Variants in GNA15 observed in about 807,000 individuals in gnomAD.
GNA15 encodes the protein guanine nucleotide-binding protein subunit alpha-15.
Under a neutral mutation model 40.1 loss-of-function variants are expected in GNA15, and 23 were observed. The ratio of observed to expected loss-of-function variants is 0.57; its 90% CI spans 0.41 to 0.81. GNA15 has a LOEUF of 0.81. Ranked by LOEUF, GNA15 falls within the 40% of genes least tolerant of loss-of-function variation. The pLI, the probability that GNA15 is intolerant of heterozygous loss-of-function variation, is 0.00. For missense variants in GNA15, 522 were observed against 515.8 expected, an observed-to-expected ratio of 1.01 and a Z score of -0.12; for synonymous variants, 226 against 210.4, an observed-to-expected ratio of 1.07 and a Z score of -0.64.
intron 1 of GNA15, among the ~76,000 whole-genome samples, chr19:3,137,648 G>A (rs1914485718): frequency 1.3e-5 from 2 of 152,174 alleles, no homozygotes; most frequent in South Asian, 4.1e-4. Context: ...CAGATGTGGT[G>A]GTGCGTGCCT....
intron 1 of GNA15, among the ~76,000 whole-genome samples, chr19:3,140,564 T>A (rs563167749): frequency 2.0e-5 from 3 of 152,206 alleles, no homozygotes; most frequent in East Asian, 3.9e-4. Flanking sequence ...TTCCCCTTAC[T>A]CTGTTTGATT....
At chr19:3,143,992 T>C (rs147593682) in intron 1 of GNA15, among the ~76,000 whole-genome samples, 406 of 151,744 alleles carry the variant, frequency 2.7e-3, no homozygotes, top group African/African-American at 9.1e-3. Flanking sequence ...GGCATGGTGG[T>C]GGGCGCCTGT....
chr19:3,137,654 T>C (rs1305297455), intron 1 of GNA15, among the ~76,000 whole-genome samples: 1 of 152,136 alleles, frequency 6.6e-6, no homozygotes, highest in Admixed American at 6.5e-5. Flanking sequence ...TGGTGGTGCG[T>C]GCCTGTAGTC....
Position 3,150,234 on chromosome 19 carries a change from G to T in GNA15, c.434G>T (p.Arg145Leu). The change falls in exon 3 of 7, where the codon CGG becomes CTG. Residue 145 changes from arginine (R) to leucine (L), a missense_variant. Transcript: ENST00000262958. ...MQWLWRDAGI[R>L]ACYERRREFH... Reference sequence around the variant, plus strand: ...TGGCTGTGGAGGGATGCCGGCATCCGGGCCTGCTATGAGCGTCGGCGGGAA... The same window carrying T: ...TGGCTGTGGAGGGATGCCGGCATCCTGGCCTGCTATGAGCGTCGGCGGGAA... 1 of 1,610,234 alleles carries T rather than the reference G, an allele frequency of 6.2e-7. No homozygotes were observed. The highest frequency in any genetic ancestry group is 2.2e-5 in the East Asian group (1 of 44,716).
intron 3 of GNA15, 80 bp downstream of exon 3, chr19:3,150,365 G>C: frequency 7.8e-7 from 1 of 1,277,804 alleles, no homozygotes; most frequent in East Asian, 2.5e-5. Flanking sequence ...TCCTGCAGCA[G>C]GAGATATTGT....
chr19:3,154,439 A>G (rs1409250993), intron 4 of GNA15, among the ~76,000 whole-genome samples: 3 of 138,612 alleles, frequency 2.2e-5, no homozygotes, highest in Admixed American at 7.1e-5. Context: ...GTGAGTGGAT[A>G]GATGGGTAGA....
At chr19:3,153,871 G>A (rs952966064) in intron 4 of GNA15, among the ~76,000 whole-genome samples, 1 of 151,756 alleles carries the variant, frequency 6.6e-6, no homozygotes, top group Non-Finnish European at 1.5e-5. Flanking sequence ...GTGAATGGAT[G>A]GATGAATGGA....
chr19:3,148,788 G>T lies in GNA15; in HGVS notation c.330+13G>T. The stretch of plus-strand genomic sequence containing the variant: ...GCCCGAGAGCAAGGTGAGCCGCCAG[G>T]GCAGGCAGGGGCCCAGGGCAGGCAG... On this transcript the variant is annotated intron_variant, in intron 2 of 6. Coordinates refer to ENST00000262958, the MANE Select transcript of GNA15 (RefSeq NM_002068.4). The T allele has an allele frequency of 6.3e-7, 1 of 1,577,504 alleles. No individual in the cohort carries two copies. The highest frequency in any genetic ancestry group is 8.6e-7 in the Non-Finnish European group (1 of 1,161,038).
At chr19:3,162,198 G>A (rs1682803) in intron 6 of GNA15, among the ~76,000 whole-genome samples, 10 of 151,822 alleles carry the variant, frequency 6.6e-5, no homozygotes, top group South Asian at 2.1e-4. Context: ...CAGCGCTTTG[G>A]GGGGGTCAAG....
intron 1 of GNA15, among the ~76,000 whole-genome samples, chr19:3,139,961 A>T (rs1393687143): frequency 6.6e-6 from 1 of 151,740 alleles, no homozygotes; most frequent in Non-Finnish European, 1.5e-5. Flanking sequence ...TCTAACTTGG[A>T]GGCAGAGGTT....
At chr19:3,150,043 G>T in intron 2 of GNA15, 88 bp from the exon 3 acceptor site, 1 of 1,135,620 alleles carries the variant, frequency 8.8e-7, no homozygotes, top group South Asian at 1.4e-5. Context: ...CGTGTTTCAG[G>T]GAGGGACGTG....
rs1170095452 is a variant in GNA15 at position 3,136,104 on chromosome 19, C to G, written c.-347C>G. ...GGTGGGGGTTTTCCCGCCACCGCCC[C>G]GCCCTCCCTGGGGCCCCCACCTCAC... On this transcript the variant is annotated 5_prime_UTR_variant, in exon 1 of 7. Coordinates refer to ENST00000262958, the MANE Select transcript of GNA15 (RefSeq NM_002068.4). This position sits in a 1 kb window ranked among gnomAD's most constrained non-coding sequence, Gnocchi z 4.9. 5.4e-6 allele frequency: 1 copy of G among 184,426 alleles called. No homozygotes were observed. The highest frequency in any genetic ancestry group is 1.1e-5 in the Non-Finnish European group (1 of 88,392). 11.4% of individuals were successfully genotyped at this position (184,426 alleles called of 1,614,324 possible).
At position 3,136,087 on chromosome 19, in the gene GNA15, T is replaced by A. The variant is rs970195276; in HGVS notation, c.-364T>A. On this transcript the variant is annotated 5_prime_UTR_variant, in exon 1 of 7. Transcript: ENST00000262958. The surrounding 1 kb of genome is among the most constrained non-coding windows in gnomAD (Gnocchi z 4.9). ...CACAGGACCCAGTCTGCGGTGGGGG[T>A]TTTCCCGCCACCGCCCCGCCCTCCC... 1.2e-5 allele frequency: 2 copies of A among 172,478 alleles called. No homozygotes were observed. The highest frequency in any genetic ancestry group is 1.3e-4 in the South Asian group (1 of 7,588). The allele number at this position is 172,478 out of a possible 1,614,324, so 10.7% of individuals were successfully genotyped here.
At chr19:3,158,133 G>A (rs186560760) in intron 6 of GNA15, among the ~76,000 whole-genome samples, 54 of 152,146 alleles carry the variant, frequency 3.5e-4, no homozygotes, top group South Asian at 6.2e-4. Context: ...AGCATATCAC[G>A]TACACCTTAA....
intron 2 of GNA15, chr19:3,149,013 G>A (rs920246867): frequency 2.3e-5 from 12 of 511,454 alleles, no homozygotes; most frequent in Middle Eastern, 5.1e-4. Context: ...GTATGCACAC[G>A]CACAGACATG....
intron 6 of GNA15, 65 bp downstream of exon 6, chr19:3,157,946 A>T: frequency 7.8e-7 from 1 of 1,278,624 alleles, no homozygotes; most frequent in South Asian, 1.2e-5. Flanking sequence ...AGAGATGCTA[A>T]TCCAGACTCT....
At chr19:3,137,522 G>A (rs1484130073) in intron 1 of GNA15, among the ~76,000 whole-genome samples, 1 of 152,072 alleles carries the variant, frequency 6.6e-6, no homozygotes, top group Non-Finnish European at 1.5e-5. Flanking sequence ...GGTGGCTCAT[G>A]CCTGTAATCC....
In GNA15 at chr19:3,157,412, G is replaced by A. The variant is rs538889789; in HGVS notation, c.745-316G>A. On this transcript the variant is annotated intron_variant, in intron 5 of 6. Transcript: ENST00000262958. ...ACCCTATCTCCAGGCCAGGTGCAGTGGTTCATGCCTATAACCCCAGCACGC... is the reference window on the plus strand; with the variant it reads ...ACCCTATCTCCAGGCCAGGTGCAGTAGTTCATGCCTATAACCCCAGCACGC... Among the ~76,000 whole-genome samples, 315 of 152,326 alleles carry A rather than the reference G, an allele frequency of 2.1e-3. 1 individual carries two copies. The highest frequency in any genetic ancestry group is 3.6e-3 in the Non-Finnish European group (244 of 68,034).
chr19:3,140,988 G>A (rs1253541452), intron 1 of GNA15, among the ~76,000 whole-genome samples: 5 of 152,166 alleles, frequency 3.3e-5, no homozygotes, highest in Admixed American at 3.3e-4. Context: ...CAGGTCTGAG[G>A]GCAACCTCCA....
Sources: allele counts gnomAD v4.1 joint callset (sites outside exome capture counted in the v4.1 genomes callset), GRCh38; gene constraint gnomAD v4.1.1; non-coding constraint Gnocchi (gnomAD v3.1); transcripts MANE v1.5; gene names NCBI Gene and HGNC (gene_info 2026-07-23, HGNC 2026-07-21).